Variants in PRDM5 observed in about 807,000 individuals in gnomAD.
The protein encoded by PRDM5 is PR/SET domain 5.
In PRDM5, 56 loss-of-function variants were observed where a neutral mutation model predicts 81.2. That is an observed-to-expected ratio of 0.69 (90% CI 0.56 to 0.86). The LOEUF is 0.86. Ranked by LOEUF, PRDM5 falls within the 40% of genes least tolerant of loss-of-function variation. The pLI, the probability that PRDM5 is intolerant of heterozygous loss-of-function variation, is 0.00. For synonymous variants in PRDM5, 267 were observed against 256.4 expected (o/e 1.04, Z -0.39); for missense variants, 697 against 770.1 (o/e 0.91, Z 1.12).
At chr4:120,814,503 G>A (rs1015103533) in intron 7 of PRDM5, among the ~76,000 whole-genome samples, 4 of 152,276 alleles carry the variant, frequency 2.6e-5, no homozygotes, top group African/African-American at 9.6e-5. Context: ...GAGCTGGTCT[G>A]AGAACCTACC....
At chr4:120,795,195 C>T (rs937485528) in intron 10 of PRDM5, among the ~76,000 whole-genome samples, 23 of 152,162 alleles carry the variant, frequency 1.5e-4, no homozygotes, top group Admixed American at 1.5e-3. Context: ...GAGGGCAAAA[C>T]CCCTCCATAC....
At chr4:120,743,355 G>A (rs1244916246) in intron 14 of PRDM5, among the ~76,000 whole-genome samples, 1 of 151,756 alleles carries the variant, frequency 6.6e-6, no homozygotes, top group Admixed American at 6.6e-5. Flanking sequence ...TTGAGACTAG[G>A]AAGAAACTGC....
chr4:120,747,105 TAAA>T (rs1743218041), intron 14 of PRDM5, among the ~76,000 whole-genome samples: 1 of 149,176 alleles, frequency 6.7e-6, no homozygotes, highest in Non-Finnish European at 1.5e-5. Context: ...TATGCAGCCA[TAAA>T]AAATGATGAG....
intron 8 of PRDM5, among the ~76,000 whole-genome samples, chr4:120,804,127 G>A (rs1752548709): frequency 6.6e-6 from 1 of 152,114 alleles, no homozygotes; most frequent in Admixed American, 6.5e-5. Flanking sequence ...ACGATAAAGG[G>A]ATCAATTCAA....
chr4:120,816,336 CT>C, intron 7 of PRDM5, 116 bp downstream of exon 7: 1 of 1,546,018 alleles, frequency 6.5e-7, no homozygotes, highest in Non-Finnish European at 8.9e-7. Context: ...CGCTCCACAT[CT>C]GTGTGAAACA....
At chr4:120,794,119 T>C (rs76243918) in intron 10 of PRDM5, among the ~76,000 whole-genome samples, 30,280 of 152,162 alleles carry the variant, frequency 0.2, 3,675 homozygotes, top group Non-Finnish European at 0.28. Flanking sequence ...TCATAATGTG[T>C]GCAGCTCATT....
At chr4:120,770,419 T>C (rs547517443) in intron 13 of PRDM5, among the ~76,000 whole-genome samples, 1 of 152,138 alleles carries the variant, frequency 6.6e-6, no homozygotes, top group African/African-American at 2.4e-5. Flanking sequence ...TTAGGTTTAA[T>C]ATTTATTAAC....
intron 12 of PRDM5, among the ~76,000 whole-genome samples, chr4:120,777,939 A>T (rs1345272048): frequency 6.6e-6 from 1 of 152,098 alleles, no homozygotes; most frequent in African/African-American, 2.4e-5. Context: ...AAGAGAAAGG[A>T]GTGACCCCTC....
chr4:120,856,890 A>G (rs1290077729), intron 2 of PRDM5, among the ~76,000 whole-genome samples: 1 of 152,124 alleles, frequency 6.6e-6, no homozygotes, highest in Non-Finnish European at 1.5e-5. Context: ...TTTTATTTGA[A>G]TTTTCTTGGA....
At chr4:120,852,045 T>G in intron 3 of PRDM5, among the ~76,000 whole-genome samples, 1 of 152,182 alleles carries the variant, frequency 6.6e-6, no homozygotes, top group East Asian at 1.9e-4. Flanking sequence ...TTCCTTATTC[T>G]TTTGGTCATC....
intron 8 of PRDM5, chr4:120,810,568 C>G (rs1307993318): frequency 1.3e-5 from 2 of 151,816 alleles, no homozygotes; most frequent in Admixed American, 1.3e-4. Context: ...TTCCATATCT[C>G]TAAACAATCT....
intron 12 of PRDM5, 143 bp from the exon 13 acceptor site, chr4:120,777,424 A>C: frequency 6.9e-7 from 1 of 1,439,882 alleles, no homozygotes; most frequent in Non-Finnish European, 9.3e-7. Context: ...GATTTTAAAC[A>C]ATTTATGATG....
chr4:120,880,488 T>C lies in PRDM5; in HGVS notation c.178-26948A>G, dbSNP rs115579798. Among the ~76,000 whole-genome samples the C allele has an allele frequency of 4.3e-3, 659 of 152,248 alleles. 6 individuals are homozygous for C. Among genetic ancestry groups the C allele is most frequent in the African/African-American group, 0.016 (648 of 41,574 alleles). ...TACAAAATTAATCTTAATACCTATA[T>C]TTAAACCAATATATTCACAATATTA... On this transcript the variant is annotated intron_variant, in intron 2 of 15. Coordinates refer to ENST00000264808, the MANE Select transcript of PRDM5 (RefSeq NM_018699.4).
At chr4:120,876,499 G>T (rs1762343648) in intron 2 of PRDM5, among the ~76,000 whole-genome samples, 1 of 151,976 alleles carries the variant, frequency 6.6e-6, no homozygotes, top group East Asian at 1.9e-4. Flanking sequence ...GATTTTTATT[G>T]TTTGATTTGG....
chr4:120,775,267 T>C (rs1747982780), intron 13 of PRDM5, among the ~76,000 whole-genome samples: 2 of 152,108 alleles, frequency 1.3e-5, no homozygotes, highest in East Asian at 1.9e-4. Flanking sequence ...CCATGACATA[T>C]ATTTAATAAT....
At position 120,695,009 on chromosome 4, in the gene PRDM5, G is replaced by T. The variant is rs1734352531; in HGVS notation, c.*102C>A. ...TAGGCAAATAAGAACTATGAGACCA[G>T]TAAGTCACTTTTGGCTACTTCTGTT... On this transcript the variant is annotated 3_prime_UTR_variant, in exon 16 of 16. Coordinates refer to ENST00000264808, the MANE Select transcript of PRDM5 (RefSeq NM_018699.4). The T allele has an allele frequency of 1.1e-5, 15 of 1,344,054 alleles. No individual in the cohort carries two copies. The highest frequency in any genetic ancestry group is 1.5e-5 in the Non-Finnish European group (14 of 940,814). 83.3% of individuals were successfully genotyped at this position (1,344,054 alleles called of 1,614,324 possible).
intron 14 of PRDM5, among the ~76,000 whole-genome samples, chr4:120,745,257 A>C (rs1742810556): frequency 1.6e-5 from 2 of 128,146 alleles, no homozygotes; most frequent in South Asian, 3.0e-4. Context: ...ACTCTCAATA[A>C]ATTAGGTATT....
At chr4:120,862,837 G>T (rs767421081) in intron 2 of PRDM5, among the ~76,000 whole-genome samples, 1 of 152,024 alleles carries the variant, frequency 6.6e-6, no homozygotes, top group East Asian at 1.9e-4. Context: ...CGTCACACAT[G>T]TATGGCTGCA....
intron 14 of PRDM5, 60 bp downstream of exon 14, chr4:120,754,493 T>C (rs1479843526): frequency 8.4e-7 from 1 of 1,188,386 alleles, no homozygotes; most frequent in African/African-American, 1.5e-5. Context: ...TTAAATATAT[T>C]TCTTTTAAAA....
Sources: allele counts gnomAD v4.1 joint callset (sites outside exome capture counted in the v4.1 genomes callset), GRCh38; gene constraint gnomAD v4.1.1; transcripts MANE v1.5; gene names NCBI Gene and HGNC (gene_info 2026-07-23, HGNC 2026-07-21).